KIF26B: variants seen among roughly 807,000 people sequenced by gnomAD.
KIF26B encodes kinesin-like protein KIF26B.
In KIF26B, 63 loss-of-function variants were observed where a neutral mutation model predicts 151.2. The observed-to-expected ratio is 0.42, with a 90% CI of 0.34 to 0.51. The LOEUF (loss-of-function observed/expected upper bound fraction) is 0.51. Ranked by LOEUF, KIF26B falls within the 20% of genes least tolerant of loss-of-function variation. The pLI, the probability that KIF26B is intolerant of heterozygous loss-of-function variation, is 0.07. For missense variants in KIF26B, 2,813 were observed against 2,913.6 expected (o/e 0.97, Z 0.79); for synonymous variants, 1,357 against 1,262.1 (o/e 1.08, Z -1.59).
At chr1:245,345,524 G>C (rs1018759088) in intron 2 of KIF26B, among the ~76,000 whole-genome samples, 1 of 152,054 alleles carries the variant, frequency 6.6e-6, no homozygotes, top group African/African-American at 2.4e-5. Flanking sequence ...TTTCCTGAGA[G>C]GTCCTCGTGA....
intron 5 of KIF26B, among the ~76,000 whole-genome samples, chr1:245,570,952 C>T (rs2043061450): frequency 6.6e-6 from 1 of 152,208 alleles, no homozygotes; most frequent in South Asian, 2.1e-4. Flanking sequence ...ATCATCAAAT[C>T]TAACATGTTA....
chr1:245,570,102 A>AT (rs1553290200), intron 5 of KIF26B, among the ~76,000 whole-genome samples: 2 of 150,890 alleles, frequency 1.3e-5, no homozygotes, highest in Admixed American at 6.6e-5. Context: ...CACCCGGCTA[A>AT]TTTTTTTGTA....
Position 245,450,137 on chromosome 1 carries a change from G to T in KIF26B, c.1166+30392G>T, listed in dbSNP as rs144964513. On this transcript the variant is annotated intron_variant, in intron 4 of 14. Coordinates refer to ENST00000407071, the MANE Select transcript of KIF26B (RefSeq NM_018012.4). ...TGGTGAGTTTGCTTGTTCTCTTTCC[G>T]TTGGCCCACTTGCAGCAACCAACTG... Among the ~76,000 whole-genome samples the T allele has an allele frequency of 2.5e-3, 376 of 152,232 alleles. 1 individual carries two copies. The highest frequency in any genetic ancestry group is 8.6e-3 in the African/African-American group (359 of 41,534).
At chr1:245,467,859 C>T (rs1353766939) in intron 4 of KIF26B, among the ~76,000 whole-genome samples, 2 of 150,080 alleles carry the variant, frequency 1.3e-5, no homozygotes, top group East Asian at 3.9e-4. Flanking sequence ...CTTGCCACTG[C>T]ATTCCAGCCT....
At chr1:245,165,941 T>C (rs961143636) in intron 2 of KIF26B, among the ~76,000 whole-genome samples, 4 of 152,186 alleles carry the variant, frequency 2.6e-5, no homozygotes, top group African/African-American at 9.7e-5. Context: ...TCAGGCAGCA[T>C]TTGAGTTGCT....
intron 2 of KIF26B, among the ~76,000 whole-genome samples, chr1:245,280,597 GTTTTTT>G (rs74163033): frequency 9.6e-6 from 1 of 104,504 alleles, no homozygotes; most frequent in African/African-American, 3.8e-5. Context: ...GGAAGTTTTC[GTTTTTT>G]TTTTTTTTTT....
intron 2 of KIF26B, among the ~76,000 whole-genome samples, chr1:245,249,775 A>G (rs557056018): frequency 6.6e-6 from 1 of 152,262 alleles, no homozygotes; most frequent in African/African-American, 2.4e-5. Flanking sequence ...GAGCCACTGC[A>G]TCAAAATGCA....
chr1:245,261,496 T>TCC (rs1301973405), intron 2 of KIF26B, among the ~76,000 whole-genome samples: 7 of 70,640 alleles, frequency 9.9e-5, no homozygotes, highest in South Asian at 5.0e-4. Context: ...TCTCTCTCTC[T>TCC]CTCTCTCCCT....
intron 4 of KIF26B, among the ~76,000 whole-genome samples, chr1:245,431,273 G>T (rs1047637861): frequency 2.0e-5 from 3 of 151,962 alleles, no homozygotes; most frequent in Non-Finnish European, 4.4e-5. Flanking sequence ...CTGCTTCCTG[G>T]GTTCAAGCAA....
intron 2 of KIF26B, among the ~76,000 whole-genome samples, chr1:245,309,841 T>G (rs981345046): frequency 6.9e-6 from 1 of 145,308 alleles, no homozygotes; most frequent in African/African-American, 2.5e-5. Flanking sequence ...TAATATATAT[T>G]ATATTATATA....
chr1:245,406,555 A>G (rs1674139615), intron 3 of KIF26B, among the ~76,000 whole-genome samples: 1 of 152,224 alleles, frequency 6.6e-6, no homozygotes, highest in Non-Finnish European at 1.5e-5. Flanking sequence ...CAGACAAGAA[A>G]GACATGGCAG....
At chr1:245,226,314 C>T (rs1380535127) in intron 2 of KIF26B, among the ~76,000 whole-genome samples, 2 of 152,192 alleles carry the variant, frequency 1.3e-5, no homozygotes. Flanking sequence ...TGCAGAGAGC[C>T]AGCTGTGCAT....
At chr1:245,385,373 A>T (rs116268962) in intron 3 of KIF26B, among the ~76,000 whole-genome samples, 96 of 152,358 alleles carry the variant, frequency 6.3e-4, no homozygotes, top group African/African-American at 2.3e-3. Context: ...TAGTCATTAA[A>T]TGTTTTATAA....
chr1:245,441,854 A>G (rs756905717), intron 4 of KIF26B, among the ~76,000 whole-genome samples: 10 of 152,190 alleles, frequency 6.6e-5, no homozygotes, highest in Non-Finnish European at 1.5e-4. Flanking sequence ...GCGAGGGACC[A>G]TTCTTCTCAT....
At chr1:245,300,037 G>A (rs1671402134) in intron 2 of KIF26B, among the ~76,000 whole-genome samples, 1 of 152,208 alleles carries the variant, frequency 6.6e-6, no homozygotes, top group Non-Finnish European at 1.5e-5. Flanking sequence ...ATGTCCTTCT[G>A]TGAAGAGACT....
intron 14 of KIF26B, among the ~76,000 whole-genome samples, chr1:245,700,440 C>T (rs2044754652): frequency 6.6e-6 from 1 of 152,056 alleles, no homozygotes; most frequent in Non-Finnish European, 1.5e-5. Flanking sequence ...GCCTGTAATC[C>T]CAGCACCTTG....
chr1:245,379,310 T>C (rs1673347941), intron 3 of KIF26B, among the ~76,000 whole-genome samples: 1 of 152,190 alleles, frequency 6.6e-6, no homozygotes, highest in Admixed American at 6.5e-5. Context: ...TTTTCCCCCA[T>C]ATTTGGGGAT....
At chr1:245,550,624 A>G (rs1466586635) in intron 5 of KIF26B, among the ~76,000 whole-genome samples, 1 of 152,268 alleles carries the variant, frequency 6.6e-6, no homozygotes, top group African/African-American at 2.4e-5. Flanking sequence ...GAGACCATGC[A>G]GTGAGATTGG....
intron 2 of KIF26B, among the ~76,000 whole-genome samples, chr1:245,185,799 G>A (rs553229510): frequency 7.1e-4 from 108 of 152,216 alleles, no homozygotes; most frequent in African/African-American, 2.5e-3. Context: ...CATGGGCTGA[G>A]CTGGGTTCTA....
Sources: allele counts gnomAD v4.1 joint callset (sites outside exome capture counted in the v4.1 genomes callset), GRCh38; gene constraint gnomAD v4.1.1; transcripts MANE v1.5; gene names NCBI Gene and HGNC (gene_info 2026-07-23, HGNC 2026-07-21).